The following AGBL1 variants were observed in gnomAD, a reference collection of about 807,000 sequenced individuals.
AGBL1 encodes the protein AGBL carboxypeptidase 1.
In AGBL1, 130 loss-of-function variants were observed where a neutral mutation model predicts 118.9. The observed-to-expected ratio is 1.09, with a 90% CI of 0.95 to 1.26. The LOEUF is 1.26. Ranked by LOEUF, AGBL1 falls within the 50% of genes most tolerant of loss-of-function variation. The probability of loss-of-function intolerance (pLI) is 0.00; values close to 1 mark genes in which losing one functional copy is unlikely to be tolerated. For missense variants in AGBL1, 1,584 were observed against 1,298.1 expected (o/e 1.22, Z -3.38); for synonymous variants, 555 against 478.9 (o/e 1.16, Z -2.08).
intron 17 of AGBL1, among the ~76,000 whole-genome samples, chr15:86,347,297 A>G (rs749903868): frequency 6.6e-6 from 1 of 152,250 alleles, no homozygotes. Context: ...TGGTTACTAG[A>G]AAGTCCCAGG....
chr15:86,720,006 A>T (rs1419678202), intron 22 of AGBL1, among the ~76,000 whole-genome samples: 4 of 152,156 alleles, frequency 2.6e-5, no homozygotes, highest in Non-Finnish European at 4.4e-5. Flanking sequence ...GGGCTGCTTC[A>T]GGGGTTGACT....
At chr15:86,846,752 G>A (rs974975765) in intron 22 of AGBL1, among the ~76,000 whole-genome samples, 11 of 152,096 alleles carry the variant, frequency 7.2e-5, no homozygotes, top group African/African-American at 2.7e-4. Flanking sequence ...GGCTGGTCTC[G>A]AACTCCTGAC....
chr15:86,761,015 G>A (rs1167576513), intron 22 of AGBL1, among the ~76,000 whole-genome samples: 1 of 152,000 alleles, frequency 6.6e-6, no homozygotes, highest in Admixed American at 6.6e-5. Flanking sequence ...TTCATAGAGG[G>A]AAACAGTATT....
At chr15:86,578,745 C>T (rs138093143) in intron 21 of AGBL1, among the ~76,000 whole-genome samples, 12 of 152,294 alleles carry the variant, frequency 7.9e-5, no homozygotes, top group Non-Finnish European at 1.6e-4. Context: ...TACACGAGCT[C>T]TCTCTTTTTG....
intron 16 of AGBL1, among the ~76,000 whole-genome samples, chr15:86,294,478 A>T (rs2079600902): frequency 6.9e-6 from 1 of 145,858 alleles, no homozygotes; most frequent in East Asian, 2.1e-4. Context: ...TTTTTTTTTT[A>T]AATGAGTATT....
intron 17 of AGBL1, among the ~76,000 whole-genome samples, chr15:86,386,371 G>A (rs1425483853): frequency 1.4e-5 from 2 of 145,610 alleles, no homozygotes; most frequent in Non-Finnish European, 3.0e-5. Context: ...CAGGCCAGCT[G>A]GTTGCCCATT....
At chr15:86,369,778 A>G (rs1300271202) in intron 17 of AGBL1, among the ~76,000 whole-genome samples, 6 of 152,162 alleles carry the variant, frequency 3.9e-5, no homozygotes, top group Admixed American at 1.3e-4. Context: ...AAATCTAATG[A>G]TAGGGATAAC....
intron 1 of AGBL1, among the ~76,000 whole-genome samples, chr15:86,117,555 T>G (rs1433519506): frequency 2.0e-5 from 3 of 152,166 alleles, no homozygotes; most frequent in African/African-American, 7.2e-5. Context: ...TTATCTCTAT[T>G]TCACAGATGA....
intron 21 of AGBL1, among the ~76,000 whole-genome samples, chr15:86,632,451 A>T (rs2084990143): frequency 6.6e-6 from 1 of 151,976 alleles, no homozygotes; most frequent in African/African-American, 2.4e-5. Flanking sequence ...CTCAACAACA[A>T]AAAAATGTTA....
intron 21 of AGBL1, among the ~76,000 whole-genome samples, chr15:86,570,558 G>A (rs760288984): frequency 3.9e-5 from 6 of 152,118 alleles, no homozygotes; most frequent in Middle Eastern, 3.2e-3. Flanking sequence ...GGTGTTCCCC[G>A]AACTGTCATG....
chr15:86,499,964 T>C (rs374931967), intron 18 of AGBL1, among the ~76,000 whole-genome samples: 1 of 151,832 alleles, frequency 6.6e-6, no homozygotes, highest in Non-Finnish European at 1.5e-5. Flanking sequence ...TGTGAATACC[T>C]AGCAGCTTTA....
chr15:86,139,676 C>G (rs1301413704), intron 1 of AGBL1, among the ~76,000 whole-genome samples: 1 of 151,992 alleles, frequency 6.6e-6, no homozygotes, highest in Non-Finnish European at 1.5e-5. Context: ...TCATCCTTCT[C>G]AGAATAGGAG....
chr15:86,541,694 A>G (rs951650418), intron 19 of AGBL1, among the ~76,000 whole-genome samples: 2 of 151,612 alleles, frequency 1.3e-5, no homozygotes, highest in African/African-American at 2.4e-5. Context: ...CTCACGTATT[A>G]GTAGCAATAG....
intron 18 of AGBL1, among the ~76,000 whole-genome samples, chr15:86,441,842 C>G (rs908216545): frequency 2.6e-5 from 4 of 152,198 alleles, no homozygotes; most frequent in Non-Finnish European, 4.4e-5. Flanking sequence ...GAGATGCTAG[C>G]CCAGCAGCCT....
At chr15:86,590,278 C>A (rs2142349782) in intron 21 of AGBL1, among the ~76,000 whole-genome samples, 1 of 152,316 alleles carries the variant, frequency 6.6e-6, no homozygotes, top group South Asian at 2.1e-4. Flanking sequence ...TTCCCATAAT[C>A]TCCATGTGTC....
chr15:86,594,849 T>C (rs2084384689), intron 21 of AGBL1, among the ~76,000 whole-genome samples: 1 of 152,228 alleles, frequency 6.6e-6, no homozygotes, highest in Admixed American at 6.5e-5. Context: ...ACTCTCGTTT[T>C]CTTTAAACCC....
intron 15 of AGBL1, among the ~76,000 whole-genome samples, chr15:86,276,652 G>T (rs1453074791): frequency 6.6e-6 from 1 of 152,166 alleles, no homozygotes; most frequent in Non-Finnish European, 1.5e-5. Context: ...ATCAGGGCAG[G>T]CTTCCTGAAA....
intron 5 of AGBL1, among the ~76,000 whole-genome samples, chr15:86,224,068 A>C (rs2078320942): frequency 6.6e-6 from 1 of 152,108 alleles, no homozygotes; most frequent in South Asian, 2.1e-4. Context: ...CAATCCTGAG[A>C]GAGGTGGTGG....
chr15:86,458,481 C>T (rs1015895141), intron 18 of AGBL1, among the ~76,000 whole-genome samples: 2 of 152,108 alleles, frequency 1.3e-5, no homozygotes, highest in South Asian at 4.1e-4. Context: ...AACATGTATA[C>T]CATTCATTCC....
Sources: allele counts gnomAD v4.1 joint callset (sites outside exome capture counted in the v4.1 genomes callset), GRCh38; gene constraint gnomAD v4.1.1; transcripts MANE v1.5; gene names NCBI Gene and HGNC (gene_info 2026-07-23, HGNC 2026-07-21).